The following UBE3B variants were observed in gnomAD, a reference collection of about 807,000 sequenced individuals.
UBE3B encodes ubiquitin-protein ligase E3B.
UBE3B carries 80 observed loss-of-function variants against 132.3 expected under a neutral mutation model. The ratio of observed to expected loss-of-function variants is 0.60; its 90% CI spans 0.50 to 0.73. The LOEUF (loss-of-function observed/expected upper bound fraction) is 0.73. Among genes scored for constraint, UBE3B ranks in the 30% least tolerant of loss-of-function variants. The pLI is 0.00. For synonymous variants in UBE3B, 487 were observed against 520.4 expected (o/e 0.94, Z 0.87); for missense variants, 1,196 against 1,362.5 (o/e 0.88, Z 1.92).
chr12:109,488,456 T>C lies in UBE3B; in HGVS notation c.448-116T>C, dbSNP rs370821111. ...GAGAAAAAGAATTAAGACTGACTTA[T>C]AATCCTGACTCAGTGATTCCAGGCT... On this transcript the variant is annotated intron_variant, in intron 6 of 27. Coordinates refer to ENST00000342494, the MANE Select transcript of UBE3B (RefSeq NM_130466.4). 8.9e-5 allele frequency: 82 copies of C among 921,946 alleles called. No homozygotes were observed. In the African/African-American group the frequency reaches 1.1e-3, roughly 13 times the overall value. The allele number at this position is 921,946 out of a possible 1,614,324, so 57.1% of individuals were successfully genotyped here.
At position 109,509,640 on chromosome 12, in the gene UBE3B, A is replaced by C. The variant is rs536093921; in HGVS notation, c.1667A>C (p.Lys556Thr). Residue 556 changes from lysine to threonine, a missense_variant, in exon 16 of 28, where the codon AAA (lysine) becomes ACA (threonine). Coordinates refer to ENST00000342494, the MANE Select transcript of UBE3B (RefSeq NM_130466.4). ...IEVYEEQISFKLEELVTISSF... is the reference protein window; with the variant it reads ...IEVYEEQISFTLEELVTISSF... The stretch of plus-strand genomic sequence containing the variant: ...GTTTATGAAGAACAGATTTCATTCA[A>C]ACTGGAAGAGCTGGTCACTATCTCC... The C allele has an allele frequency of 7.4e-6, 12 of 1,611,218 alleles. No homozygotes were observed. The highest frequency in any genetic ancestry group is 1.6e-4 in the Middle Eastern group (1 of 6,076).
chr12:109,543,990 G>T, the UBE3B span, among the ~76,000 whole-genome samples: 1 of 152,118 alleles, frequency 6.6e-6, no homozygotes, highest in African/African-American at 2.4e-5. Flanking sequence ...ATCCTGAGGG[G>T]GTGTCGGCCT....
intron 13 of UBE3B, 40 bp from the exon 14 acceptor site, chr12:109,502,983 G>C (rs763349602): frequency 1.9e-6 from 3 of 1,612,628 alleles, no homozygotes; most frequent in South Asian, 2.2e-5. Context: ...TTGGCAGCTG[G>C]CTGAGCTGCT....
intron 26 of UBE3B, 100 bp from the exon 27 acceptor site, chr12:109,533,366 C>A: frequency 8.7e-7 from 1 of 1,148,320 alleles, no homozygotes; most frequent in African/African-American, 1.5e-5. Context: ...AGTTACAACA[C>A]GGTAACAGAC....
chr12:109,486,416 C>T (rs1876434270), intron 5 of UBE3B, 55 bp from the exon 6 acceptor site: 2 of 1,411,584 alleles, frequency 1.4e-6, no homozygotes, highest in Non-Finnish European at 2.0e-6. Context: ...AGTTAGAGCA[C>T]AAGTGATATG....
intron 4 of UBE3B, among the ~76,000 whole-genome samples, chr12:109,485,012 A>G (rs1242278695): frequency 6.7e-6 from 1 of 150,348 alleles, no homozygotes; most frequent in Non-Finnish European, 1.5e-5. Flanking sequence ...CTGCCTCAGC[A>G]TCCCAAAGTG....
chr12:109,485,772 A>G (rs763122140), intron 4 of UBE3B, among the ~76,000 whole-genome samples: 3 of 152,198 alleles, frequency 2.0e-5, no homozygotes, highest in Non-Finnish European at 4.4e-5. Context: ...TATGTGAAGT[A>G]TACCAGTTTC....
In UBE3B at chr12:109,521,651, G is replaced by T. The variant is rs1881730531; in HGVS notation, c.2364+100G>T. The T allele has an allele frequency of 2.7e-6, 3 of 1,112,040 alleles. No homozygotes were observed. In the Admixed American group the frequency reaches 8.3e-5, roughly 31 times the overall value. The allele number at this position is 1,112,040 out of a possible 1,614,324, so 68.9% of individuals were successfully genotyped here. ...GTGATCAGGCTTGGCCATGTAAACT[G>T]TCACTAGGATACAAGCGAGGACAGG... On this transcript the variant is annotated intron_variant, in intron 21 of 27. Transcript: ENST00000342494. This position sits in a 1 kb window ranked among gnomAD's most constrained non-coding sequence, Gnocchi z 4.2.
intron 1 of UBE3B, among the ~76,000 whole-genome samples, chr12:109,478,995 A>T (rs1302642883): frequency 6.6e-6 from 1 of 152,194 alleles, no homozygotes; most frequent in Non-Finnish European, 1.5e-5. Context: ...TAGAGGTAAG[A>T]CAAGAGTCTG....
chr12:109,518,408 T>C (rs1881318915), intron 19 of UBE3B, among the ~76,000 whole-genome samples: 1 of 152,236 alleles, frequency 6.6e-6, no homozygotes. Context: ...TTGAACTCTG[T>C]AAAGTGCCTA....
rs1263102368 is a variant in UBE3B at position 109,503,151 on chromosome 12, C to T, written c.1411C>T (p.Leu471=). 24 of 1,614,236 alleles carry T rather than the reference C, an allele frequency of 1.5e-5. No individual in the cohort carries two copies. The highest frequency in any genetic ancestry group is 1.9e-5 in the Non-Finnish European group (22 of 1,180,054). The change falls in exon 14 of 28, where the codon CTG becomes TTG. Residue 471 remains leucine, a synonymous_variant. Transcript: ENST00000342494. ...CNICVLYQTS[L]TTLTQIRLQI... is the part of the protein sequence containing the mutation. Reference sequence around the variant, plus strand: ...CATCTGTGTCCTCTACCAGACCTCGCTGACAACTCTCACACAGATTCGGCT... The same window carrying T: ...CATCTGTGTCCTCTACCAGACCTCGTTGACAACTCTCACACAGATTCGGCT...
At chr12:109,490,703 T>G (rs1017469550) in intron 8 of UBE3B, 3 of 1,442,584 alleles carry the variant, frequency 2.1e-6, no homozygotes, top group Non-Finnish European at 2.7e-6. Context: ...ACTTTATTAT[T>G]AAAGAATTTC....
rs1883378696 is a variant in UBE3B at position 109,535,791 on chromosome 12, G to T, written c.*1009G>T. On this transcript the variant is annotated 3_prime_UTR_variant, in exon 28 of 28. Coordinates refer to ENST00000342494, the MANE Select transcript of UBE3B (RefSeq NM_130466.4). ...CCGGAAGCCCGTTGCACTGACAGAG[G>T]CTCACACCCTCTGGGTTTTTTGTTT... 1 of 152,110 alleles carries T rather than the reference G, an allele frequency of 6.6e-6. No individual in the cohort carries two copies. The highest frequency in any genetic ancestry group is 1.5e-5 in the Non-Finnish European group (1 of 68,032). 9.4% of individuals were successfully genotyped at this position (152,110 alleles called of 1,614,324 possible). A position where few individuals can be genotyped will look rare whatever the true frequency, so the allele number is the denominator to read the frequency against.
chr12:109,490,621 T>C, intron 8 of UBE3B: 1 of 1,532,702 alleles, frequency 6.5e-7, no homozygotes, highest in Non-Finnish European at 8.7e-7. Context: ...ATACCATAAT[T>C]AAACGGCTTC....
intron 18 of UBE3B, among the ~76,000 whole-genome samples, chr12:109,514,995 G>A (rs1880834211): frequency 6.6e-6 from 1 of 150,984 alleles, no homozygotes; most frequent in African/African-American, 2.4e-5. Context: ...CTCACTGCAA[G>A]CTCCACCTAC....
chr12:109,479,551 G>T (rs767112113), intron 1 of UBE3B, among the ~76,000 whole-genome samples: 6 of 152,202 alleles, frequency 3.9e-5, no homozygotes, highest in Admixed American at 1.3e-4. Context: ...TTTCTGCTGC[G>T]CACAGCCTTT....
At chr12:109,537,562 C>T (rs913193085), downstream of UBE3B, among the ~76,000 whole-genome samples, 5 of 152,184 alleles carry the variant, frequency 3.3e-5, no homozygotes, top group Admixed American at 3.3e-4. Context: ...AATTCATGCA[C>T]GCAGGCGTCC....
intron 21 of UBE3B, among the ~76,000 whole-genome samples, chr12:109,523,167 T>C (rs1881914061): frequency 6.6e-6 from 1 of 152,160 alleles, no homozygotes; most frequent in Admixed American, 6.5e-5. Flanking sequence ...TGTCATCAAG[T>C]CCGAGTGACT....
chr12:109,507,500 A>G lies in UBE3B; in HGVS notation c.1451-64A>G. Reference sequence around the variant, plus strand: ...TAAGTGTTTTGTTTCCCCACTGGATAGGAGAAATAACAGACCAGGTGGAGT... The same window carrying G: ...TAAGTGTTTTGTTTCCCCACTGGATGGGAGAAATAACAGACCAGGTGGAGT... On this transcript the variant is annotated intron_variant, in intron 14 of 27. Transcript: ENST00000342494. 2.6e-6 allele frequency: 4 copies of G among 1,533,670 alleles called. No homozygotes were observed. The South Asian group carries it at 5.0e-5, about 19-fold the overall frequency.
Sources: gnomAD v4.1 joint callset for allele counts (sites outside exome capture counted in the v4.1 genomes callset) on GRCh38, gnomAD v4.1.1 for gene constraint, Gnocchi (gnomAD v3.1) non-coding constraint, MANE v1.5 for transcripts, NCBI Gene and HGNC (gene_info 2026-07-23, HGNC 2026-07-21) for gene names.